The following TDP1 variants were observed in gnomAD, a reference collection of about 807,000 sequenced individuals.
The protein encoded by TDP1 is tyrosyl-DNA phosphodiesterase 1, also known as tyr-DNA phosphodiesterase 1.
In TDP1, 64 loss-of-function variants were observed where a neutral mutation model predicts 81.5. The ratio of observed to expected loss-of-function variants is 0.79; its 90% CI spans 0.64 to 0.97. The LOEUF is 0.97. TDP1 is among the 50% of genes least tolerant of loss of function. TDP1 has a pLI of 0.00. For synonymous variants in TDP1, 256 were observed against 264.3 expected (o/e 0.97, Z 0.30); for missense variants, 723 against 743.8 (o/e 0.97, Z 0.33).
At chr14:90,005,026 G>A (rs1201379647) in intron 14 of TDP1, among the ~76,000 whole-genome samples, 2 of 152,136 alleles carry the variant, frequency 1.3e-5, no homozygotes, top group Non-Finnish European at 2.9e-5. Context: ...ACAAAGGTAA[G>A]GCACCAGCCT....
intron 16 of TDP1, among the ~76,000 whole-genome samples, chr14:90,039,867 G>A (rs905289260): frequency 3.3e-5 from 5 of 152,106 alleles, no homozygotes; most frequent in African/African-American, 7.2e-5. Flanking sequence ...ATGCAAGTAC[G>A]ATAGTACAAT....
chr14:89,975,988 G>T (rs1476521086), intron 7 of TDP1, among the ~76,000 whole-genome samples, 173 bp downstream of exon 7: 2 of 152,060 alleles, frequency 1.3e-5, no homozygotes, highest in Admixed American at 6.5e-5. Context: ...AAAATTATTT[G>T]GTCTTTCCTT....
intron 6 of TDP1, 127 bp downstream of exon 6, chr14:89,971,398 C>G: frequency 1.4e-6 from 1 of 736,102 alleles, no homozygotes; most frequent in Non-Finnish European, 2.4e-6. Context: ...AGATATTTGT[C>G]TAGCCTCAGC....
chr14:90,029,505 T>TTTC (rs1334969777), intron 15 of TDP1, among the ~76,000 whole-genome samples: 3 of 146,478 alleles, frequency 2.0e-5, no homozygotes, highest in African/African-American at 7.6e-5. Context: ...GGCCTTTTTT[T>TTTC]TTTTTTTTTT....
At chr14:90,011,846 G>C (rs1399326386) in intron 14 of TDP1, among the ~76,000 whole-genome samples, 1 of 152,240 alleles carries the variant, frequency 6.6e-6, no homozygotes, top group Non-Finnish European at 1.5e-5. Context: ...TCTGCAACCT[G>C]ACAATGCAAT....
rs1892926991 is a variant in TDP1 at position 89,966,186 on chromosome 14, C to T, written c.599C>T (p.Ala200Val). ...TTATTTGGGACGCTTGTTTCTTCAG[C>T]TCAGGTGAGTATACCTTTAAGCTGT... ...SPLFGTLVSS[A>V]QFNYCFDVDW... is the part of the protein sequence containing the mutation. The change falls in exon 4 of 17, where the codon GCT (alanine) becomes GTT (valine). Residue 200 changes from alanine to valine, a missense_variant. Ala to Val is a moderately conservative substitution (Grantham distance 64). Coordinates refer to ENST00000335725, the MANE Select transcript of TDP1 (RefSeq NM_018319.4). 8.8e-6 allele frequency: 14 copies of T among 1,599,974 alleles called. No individual in the cohort carries two copies. The highest frequency in any genetic ancestry group is 1.0e-5 in the Non-Finnish European group (12 of 1,167,472).
chr14:90,029,489 G>A (rs1463543368), intron 15 of TDP1, among the ~76,000 whole-genome samples: 3 of 144,666 alleles, frequency 2.1e-5, no homozygotes, highest in South Asian at 2.2e-4. Flanking sequence ...ATGAGCCACC[G>A]CACCCGGCCT....
intron 14 of TDP1, among the ~76,000 whole-genome samples, chr14:90,002,745 C>T (rs1301839699): frequency 6.7e-6 from 1 of 148,864 alleles, no homozygotes; most frequent in African/African-American, 2.5e-5. Flanking sequence ...TGGTGGTGTG[C>T]GCCTGCAGTC....
chr14:89,996,100 C>T (rs1310470761), intron 14 of TDP1, among the ~76,000 whole-genome samples: 3 of 152,184 alleles, frequency 2.0e-5, no homozygotes, highest in African/African-American at 7.2e-5. Context: ...GAAACTTATC[C>T]TCTGGACTTC....
intron 15 of TDP1, among the ~76,000 whole-genome samples, chr14:90,030,547 T>G (rs1887159539): frequency 6.6e-6 from 1 of 152,220 alleles, no homozygotes; most frequent in Non-Finnish European, 1.5e-5. Context: ...TCATCAGTGC[T>G]GTAACCCATA....
At chr14:89,974,143 G>A (rs929407310) in intron 6 of TDP1, among the ~76,000 whole-genome samples, 2 of 152,180 alleles carry the variant, frequency 1.3e-5, no homozygotes, top group African/African-American at 2.4e-5. Context: ...TCACTGGCTT[G>A]TCACCTAATT....
intron 14 of TDP1, among the ~76,000 whole-genome samples, chr14:90,014,561 T>C (rs538198826): frequency 9.2e-5 from 14 of 152,272 alleles, no homozygotes; most frequent in African/African-American, 3.4e-4. Flanking sequence ...AACATGTCTG[T>C]CCCCTCATCC....
chr14:90,017,715 G>T (rs975271973), intron 14 of TDP1, among the ~76,000 whole-genome samples: 11 of 152,206 alleles, frequency 7.2e-5, no homozygotes, highest in African/African-American at 2.7e-4. Context: ...TGGTTTTGCC[G>T]TTAGACTTTC....
chr14:90,014,426 GT>G (rs1885078038), intron 14 of TDP1, among the ~76,000 whole-genome samples: 1 of 152,206 alleles, frequency 6.6e-6, no homozygotes, highest in South Asian at 2.1e-4. Context: ...CTGCCGTGGA[GT>G]TTTAGGAAAG....
intron 13 of TDP1, 86 bp from the exon 14 acceptor site, chr14:89,993,290 C>A: frequency 7.8e-7 from 1 of 1,288,144 alleles, no homozygotes; most frequent in Non-Finnish European, 1.1e-6. Context: ...AGATAATAGG[C>A]TCTTTGTTTT....
At chr14:89,986,811 G>A (rs934873587) in intron 10 of TDP1, among the ~76,000 whole-genome samples, 1 of 152,198 alleles carries the variant, frequency 6.6e-6, no homozygotes, top group African/African-American at 2.4e-5. Context: ...GGAAGTGTAT[G>A]TGTAAGTATT....
In TDP1 at chr14:89,989,703, C is replaced by T; in HGVS notation, c.1318-14C>T. 1 of 1,600,660 alleles carries T rather than the reference C, an allele frequency of 6.2e-7. No individual in the cohort carries two copies. Among genetic ancestry groups the T allele is most frequent in the East Asian group, 2.2e-5 (1 of 44,722 alleles). ...GGTACATTCCGAGTTTTATTGTTTT[C>T]CTCTTATTTTTAGATCTATCCTTCT... is the stretch of plus-strand genomic sequence containing the variant. On this transcript the variant is annotated splice_polypyrimidine_tract_variant and intron_variant, in intron 11 of 16. Coordinates refer to ENST00000335725, the MANE Select transcript of TDP1 (RefSeq NM_018319.4).
In TDP1 at chr14:90,042,999, T is replaced by C. The variant is rs181191100; in HGVS notation, c.1754-71T>C. On this transcript the variant is annotated intron_variant, in intron 16 of 16. Transcript: ENST00000335725. ...AGAGAGTCAAGCACATAAGTGTTTT[T>C]ATGCCATCAGGTGAGTGCATTTTCT... 89 of 1,612,090 alleles carry C rather than the reference T, an allele frequency of 5.5e-5. No individual in the cohort carries two copies. In the East Asian group the frequency reaches 1.9e-3, roughly 34 times the overall value.
At chr14:89,988,467 G>A (rs1030113567) in intron 10 of TDP1, 3 of 426,762 alleles carry the variant, frequency 7.0e-6, no homozygotes, top group African/African-American at 6.5e-5. Flanking sequence ...ACTTCACATT[G>A]GAGATCCCAA....
Sources: gnomAD v4.1 joint callset for allele counts (sites outside exome capture counted in the v4.1 genomes callset) on GRCh38, gnomAD v4.1.1 for gene constraint, MANE v1.5 for transcripts, NCBI Gene and HGNC (gene_info 2026-07-23, HGNC 2026-07-21) for gene names.